Variants in FUT8 observed in about 807,000 individuals in gnomAD.
The protein encoded by FUT8 is alpha-(1,6)-fucosyltransferase.
A neutral mutation model predicts 71.3 loss-of-function variants in FUT8; 29 were observed. The observed-to-expected ratio is 0.41, with a 90% CI of 0.30 to 0.55. The LOEUF (loss-of-function observed/expected upper bound fraction) is 0.55. Among genes scored for constraint, FUT8 ranks in the 20% least tolerant of loss-of-function variants. The probability of loss-of-function intolerance (pLI) is 0.34; values close to 1 mark genes in which losing one functional copy is unlikely to be tolerated. For synonymous variants in FUT8, 254 were observed against 239.3 expected, an observed-to-expected ratio of 1.06 and a Z score of -0.57; for missense variants, 544 against 702.1, an observed-to-expected ratio of 0.77 and a Z score of 2.55.
chr14:65,517,061 C>T (rs960404540), intron 2 of FUT8, among the ~76,000 whole-genome samples: 8 of 151,606 alleles, frequency 5.3e-5, no homozygotes, highest in Middle Eastern at 3.2e-3. Context: ...TTCTATTTCA[C>T]GATGATTAAT....
Position 65,611,441 on chromosome 14 carries a change from A to G in FUT8, c.204-4537A>G, listed in dbSNP as rs558547579. Among the ~76,000 whole-genome samples the G allele has an allele frequency of 1.6e-4, 24 of 149,626 alleles. No homozygotes were observed. The East Asian group carries it at 3.4e-3, about 21-fold the overall frequency. On this transcript the variant is annotated intron_variant, in intron 3 of 10. Transcript: ENST00000673929. ...TTTTAGTTTTCATTGGTTTTTATCT[A>G]TTTTTCTTTTTCTCCATTTCATTGA...
Position 65,726,928 on chromosome 14 carries a change from A to C in FUT8, c.1259+2605A>C, listed in dbSNP as rs573466806. Among the ~76,000 whole-genome samples, 3 of 152,282 alleles carry C rather than the reference A, an allele frequency of 2.0e-5. No individual in the cohort carries two copies. In the East Asian group the frequency reaches 5.8e-4, roughly 29 times the overall value. The stretch of plus-strand genomic sequence containing the variant: ...AAATGAGAGAAATTGGCCAAAACAA[A>C]GGGGCTACAGGCCCCATGCAAGTCC... On this transcript the variant is annotated intron_variant, in intron 9 of 10. Coordinates refer to ENST00000673929, the MANE Select transcript of FUT8 (RefSeq NM_001371533.1).
At chr14:65,503,042 A>G (rs1426222749) in intron 2 of FUT8, among the ~76,000 whole-genome samples, 1 of 152,210 alleles carries the variant, frequency 6.6e-6, no homozygotes, top group Non-Finnish European at 1.5e-5. Context: ...ATAAAGTAAG[A>G]GTTTCTATTG....
chr14:65,722,129 C>A, intron 8 of FUT8, 108 bp downstream of exon 8: 1 of 1,340,362 alleles, frequency 7.5e-7, no homozygotes. Context: ...TTTATAGTCC[C>A]ACCAAAGGAC....
intron 2 of FUT8, among the ~76,000 whole-genome samples, chr14:65,495,325 T>C (rs186483283): frequency 6.6e-6 from 1 of 152,282 alleles, no homozygotes; most frequent in African/African-American, 2.4e-5. Flanking sequence ...ACATATTAAA[T>C]GAACAGGTCT....
the FUT8 span, among the ~76,000 whole-genome samples, chr14:65,384,342 G>A: frequency 6.6e-6 from 1 of 152,152 alleles, no homozygotes; most frequent in Non-Finnish European, 1.5e-5. This position sits in a 1 kb window ranked among gnomAD's most constrained non-coding sequence, Gnocchi z 4.2. Context: ...TCCATCTCCT[G>A]GGCTCAAGTG....
intron 1 of FUT8, among the ~76,000 whole-genome samples, chr14:65,415,682 CTTTTT>C (rs59874921): frequency 7.1e-6 from 1 of 141,066 alleles, no homozygotes; most frequent in African/African-American, 2.6e-5. Flanking sequence ...GATATAATTC[CTTTTT>C]TTTTTTTTTT....
chr14:65,711,662 CTTAA>C (rs1423451518), intron 7 of FUT8, among the ~76,000 whole-genome samples: 1 of 152,110 alleles, frequency 6.6e-6, no homozygotes, highest in Non-Finnish European at 1.5e-5. Flanking sequence ...CTCTTATACT[CTTAA>C]TTATAGTTTC....
chr14:65,439,938 A>ATGTGTGTG lies in FUT8; in HGVS notation c.-325-15673_-325-15666dup, dbSNP rs543440132. On this transcript the variant is annotated intron_variant, in intron 1 of 10. Transcript: ENST00000673929. ...ATCAACACATGAATGGATAAAGAAA[A>ATGTGTGTG]TGTGTGTGTGTGTGTGTATATATAT... 4.0e-3 allele frequency among the ~76,000 whole-genome samples: 296 copies of ATGTGTGTG among 74,106 alleles called. 8 individuals are homozygous for ATGTGTGTG. The highest frequency in any genetic ancestry group is 0.012 in the African/African-American group (263 of 22,324). The allele number at this position is 74,106 out of a possible 152,430, so 48.6% of individuals were successfully genotyped here. A position where few individuals can be genotyped will look rare whatever the true frequency, so the allele number is the denominator to read the frequency against.
chr14:65,404,638 C>A, the FUT8 span, among the ~76,000 whole-genome samples: 8 of 152,118 alleles, frequency 5.3e-5, no homozygotes, highest in Admixed American at 2.6e-4. Flanking sequence ...CCACACCCAG[C>A]TAATTTTTTG....
intron 2 of FUT8, among the ~76,000 whole-genome samples, chr14:65,552,748 T>A (rs1364888663): frequency 6.6e-6 from 1 of 152,216 alleles, no homozygotes; most frequent in South Asian, 2.1e-4. Flanking sequence ...TAATGAATTA[T>A]ACTTTCATTT....
chr14:65,632,405 G>T (rs1168398668), intron 6 of FUT8, among the ~76,000 whole-genome samples: 1 of 152,084 alleles, frequency 6.6e-6, no homozygotes, highest in Non-Finnish European at 1.5e-5. Context: ...TTGATTTTTT[G>T]ATAATAGCCA....
Position 65,742,507 on chromosome 14 carries a change from CA to C in FUT8, c.*101del, listed in dbSNP as rs921363519. The C allele has an allele frequency of 2.9e-6, 3 of 1,024,184 alleles. No individual in the cohort carries two copies. The highest frequency in any genetic ancestry group is 1.4e-6 in the Non-Finnish European group (1 of 705,822). 63.4% of individuals were successfully genotyped at this position (1,024,184 alleles called of 1,614,324 possible). On this transcript the variant is annotated 3_prime_UTR_variant, in exon 11 of 11. Transcript: ENST00000673929. ...GTAGATGAAGAGGGCTCTGATCTAA[CA>C]AAATAAGGTTATATGAGTAGATACT... is the stretch of plus-strand genomic sequence containing the variant.
chr14:65,617,053 T>C (rs1445653436), intron 5 of FUT8: 1 of 1,577,222 alleles, frequency 6.3e-7, no homozygotes, highest in Non-Finnish European at 8.6e-7. Context: ...AACCTGTCTT[T>C]AGGCCTGTTA....
In FUT8 at chr14:65,650,726, A is replaced by C. The variant is rs867029439; in HGVS notation, c.598-18517A>C. On this transcript the variant is annotated intron_variant, in intron 6 of 10. Transcript: ENST00000673929. ...TAATTACAAAAAAAAAAAAAAAAAA[A>C]AAACAAAAAAAACCACAAACTTGTA... is the stretch of plus-strand genomic sequence containing the variant. Among the ~76,000 whole-genome samples the C allele has an allele frequency of 5.8e-3, 811 of 140,258 alleles. 8 individuals are homozygous for C. Among genetic ancestry groups the C allele is most frequent in the East Asian group, 0.037 (176 of 4,808 alleles). The allele number at this position is 140,258 out of a possible 152,430, so 92.0% of individuals were successfully genotyped here.
upstream of FUT8, among the ~76,000 whole-genome samples, chr14:65,408,704 G>A (rs1043134556): frequency 1.3e-5 from 2 of 152,220 alleles, no homozygotes; most frequent in African/African-American, 4.8e-5. Flanking sequence ...GTCATAGGGA[G>A]GGATAGTCTG....
chr14:65,371,594 A>T, the FUT8 span, among the ~76,000 whole-genome samples: 1 of 152,234 alleles, frequency 6.6e-6, no homozygotes. Context: ...TCCATTCCTC[A>T]TCAGACTTTT....
the FUT8 span, among the ~76,000 whole-genome samples, chr14:65,364,136 G>T: frequency 6.6e-6 from 1 of 152,120 alleles, no homozygotes; most frequent in East Asian, 1.9e-4. Context: ...GGCTATAAAA[G>T]CAGTAACCAT....
chr14:65,629,579 G>T lies in FUT8; in HGVS notation c.570G>T (p.Leu190=), dbSNP rs35137471. 66 of 1,613,382 alleles carry T rather than the reference G, an allele frequency of 4.1e-5. No individual in the cohort carries two copies. In the East Asian group the frequency reaches 1.4e-3, roughly 35 times the overall value. ...REKEAKDLTE[L]VQRRITYLQN... is the part of the protein sequence containing the mutation. ...AAGAGGCCAAAGATCTGACAGAACT[G>T]GTTCAGCGGAGAATAACATATCTTC... The change falls in exon 6 of 11, where the codon CTG becomes CTT. Residue 190 remains leucine (L), a synonymous_variant. Transcript: ENST00000673929.
Sources: gnomAD v4.1 joint callset for allele counts (sites outside exome capture counted in the v4.1 genomes callset) on GRCh38, gnomAD v4.1.1 for gene constraint, Gnocchi (gnomAD v3.1) non-coding constraint, MANE v1.5 for transcripts, NCBI Gene and HGNC (gene_info 2026-07-23, HGNC 2026-07-21) for gene names.